BPHL: variants seen among roughly 807,000 people sequenced by gnomAD.
The protein encoded by BPHL is serine hydrolase BPHL.
Under a neutral mutation model 31.2 loss-of-function variants are expected in BPHL, and 27 were observed. The observed-to-expected ratio is 0.87, with a 90% CI of 0.64 to 1.19. BPHL has a LOEUF of 1.19. Ranked by LOEUF, BPHL falls within the 50% of genes most tolerant of loss-of-function variation. The pLI is 0.00. For synonymous variants in BPHL, 150 were observed against 146.8 expected (o/e 1.02, Z -0.16); for missense variants, 356 against 375.7 (o/e 0.95, Z 0.43).
intron 6 of BPHL, among the ~76,000 whole-genome samples, chr6:3,150,523 C>G (rs1270103665): frequency 6.6e-6 from 1 of 152,226 alleles, no homozygotes; most frequent in Non-Finnish European, 1.5e-5. Flanking sequence ...GGCAGAGGAA[C>G]TCGTGTTCAT....
chr6:3,141,900 G>A (rs952760730), intron 6 of BPHL, among the ~76,000 whole-genome samples: 15 of 151,912 alleles, frequency 9.9e-5, no homozygotes, highest in African/African-American at 3.6e-4. Context: ...CTTGAACCTG[G>A]GAGGCGGAGG....
chr6:3,140,092 T>G lies in BPHL; in HGVS notation c.665-294T>G. ...TGGGAACCGCCACTGTGGAATATAG[T>G]GGTGGGGTGTTTATTTGATTTTCCT... is the stretch of plus-strand genomic sequence containing the variant. On this transcript the variant is annotated intron_variant, in intron 5 of 6. Coordinates refer to ENST00000380379, the MANE Select transcript of BPHL (RefSeq NM_004332.4). The surrounding 1 kb of genome is among the most constrained non-coding windows in gnomAD (Gnocchi z 5.2). 2.5e-6 allele frequency: 1 copy of G among 393,454 alleles called. No homozygotes were observed. The highest frequency in any genetic ancestry group is 4.7e-6 in the Non-Finnish European group (1 of 213,556). The allele number at this position is 393,454 out of a possible 1,614,324, so 24.4% of individuals were successfully genotyped here.
Position 3,140,103 on chromosome 6 carries a change from T to C in BPHL, c.665-283T>C, listed in dbSNP as rs939547285. ...ACTGTGGAATATAGTGGTGGGGTGT[T>C]TATTTGATTTTCCTACTATTTTATG... On this transcript the variant is annotated intron_variant, in intron 5 of 6. Transcript: ENST00000380379. This position sits in a 1 kb window ranked among gnomAD's most constrained non-coding sequence, Gnocchi z 5.2. 3 of 418,546 alleles carry C rather than the reference T, an allele frequency of 7.2e-6. No individual in the cohort carries two copies. The Admixed American group carries it at 1.2e-4, about 17-fold the overall frequency. 25.9% of individuals were successfully genotyped at this position (418,546 alleles called of 1,614,324 possible). A position where few individuals can be genotyped will look rare whatever the true frequency, so the allele number is the denominator to read the frequency against.
rs753610190 is a variant in BPHL at position 3,127,307 on chromosome 6, G to C, written c.277G>C (p.Ala93Pro). ...CAATAAGAAGCTCTTCACGGTGGTC[G>C]CCTGGGATCCTCGAGGCTATGGACA... is the stretch of plus-strand genomic sequence containing the variant. The part of the protein sequence containing the change: ...NLNKKLFTVV[A>P]WDPRGYGHSR... The change falls in exon 3 of 7, where the codon GCC becomes CCC. Residue 93 changes from alanine to proline, a missense_variant. Transcript: ENST00000380379. 3 of 1,607,054 alleles carry C rather than the reference G, an allele frequency of 1.9e-6. No homozygotes were observed.
Position 3,118,733 on chromosome 6 carries a change from CTG to C in BPHL, c.-5_-4del. On this transcript the variant is annotated 5_prime_UTR_variant, in exon 1 of 7. Transcript: ENST00000380379. ...TGCGCACTCCCGGCAGCTACGCGAC[CTG>C]TGACCATGGTGGCTGTGCTGGGCGG... 1 of 1,260,822 alleles carries C rather than the reference CTG, an allele frequency of 7.9e-7. No individual in the cohort carries two copies. The highest frequency in any genetic ancestry group is 1.0e-6 in the Non-Finnish European group (1 of 999,268). 78.1% of individuals were successfully genotyped at this position (1,260,822 alleles called of 1,614,324 possible). A position where few individuals can be genotyped will look rare whatever the true frequency, so the allele number is the denominator to read the frequency against.
rs761218163 is a variant in BPHL, at chr6:3,123,662, C to T, written c.113C>T (p.Ser38Leu). The T allele has an allele frequency of 1.6e-5, 26 of 1,613,248 alleles. No individual in the cohort carries two copies. Among genetic ancestry groups the T allele is most frequent in the East Asian group, 2.2e-5 (1 of 44,866 alleles). The change falls in exon 2 of 7, where the codon TCG (serine) becomes TTG (leucine). Residue 38 changes from serine (S) to leucine (L), a missense_variant. Physicochemically the swap from Ser to Leu is moderately radical, Grantham distance 145. Coordinates refer to ENST00000380379, the MANE Select transcript of BPHL (RefSeq NM_004332.4). ...RAGPAAAFGT[S>L]VTSAKVAVNG... ...ATGTGTTTTTTCTCTTCTAGCACCT[C>T]GGTAACCTCTGCCAAAGTGGCTGTG... is the stretch of plus-strand genomic sequence containing the variant.
chr6:3,134,531 A>C (rs1334516555), intron 4 of BPHL, among the ~76,000 whole-genome samples: 8 of 148,564 alleles, frequency 5.4e-5, no homozygotes, highest in African/African-American at 1.7e-4. Flanking sequence ...TGCTTGCTCA[A>C]CATCAAACTA....
chr6:3,134,218 A>ACGACCC (rs915840744), intron 4 of BPHL, among the ~76,000 whole-genome samples: 200 of 152,238 alleles, frequency 1.3e-3, no homozygotes, highest in African/African-American at 4.6e-3. Flanking sequence ...TAACAACAAA[A>ACGACCC]CGACCCCGCC....
intron 3 of BPHL, among the ~76,000 whole-genome samples, chr6:3,128,318 T>A (rs2113752263): frequency 6.6e-6 from 1 of 152,230 alleles, no homozygotes; most frequent in South Asian, 2.1e-4. Context: ...TAGGAGACAA[T>A]TTGCTAGGTG....
At chr6:3,150,142 A>T (rs1372316320) in intron 6 of BPHL, 1 of 152,214 alleles carries the variant, frequency 6.6e-6, no homozygotes, top group Admixed American at 6.5e-5. Flanking sequence ...CAGTAAACAC[A>T]AAAGTACGTA....
In BPHL at chr6:3,146,983, A is replaced by C. The variant is rs561369793; in HGVS notation, c.789-5505A>C. 2.0e-5 allele frequency among the ~76,000 whole-genome samples: 3 copies of C among 152,310 alleles called. No individual in the cohort carries two copies. The South Asian group carries it at 6.2e-4, about 32-fold the overall frequency. On this transcript the variant is annotated intron_variant, in intron 6 of 6. Coordinates refer to ENST00000380379, the MANE Select transcript of BPHL (RefSeq NM_004332.4). Reference sequence around the variant, plus strand: ...TCTTGTGTGAAATGAGCATGACAATACCTATCATCTCAAGATAGTTTTTGA... The same window carrying C: ...TCTTGTGTGAAATGAGCATGACAATCCCTATCATCTCAAGATAGTTTTTGA...
intron 6 of BPHL, among the ~76,000 whole-genome samples, chr6:3,141,889 G>A (rs997060952): frequency 1.3e-5 from 2 of 151,840 alleles, no homozygotes; most frequent in African/African-American, 2.4e-5. Context: ...CAGGAGAATC[G>A]CTTGAACCTG....
At chr6:3,118,983 C>T (rs1761476407) in intron 1 of BPHL, 136 bp downstream of exon 1, 1 of 771,816 alleles carries the variant, frequency 1.3e-6, no homozygotes, top group African/African-American at 1.8e-5. Flanking sequence ...CCCTGTCGCC[C>T]TTTGTGCCGC....
chr6:3,148,498 G>A (rs182641733), intron 6 of BPHL, among the ~76,000 whole-genome samples: 64 of 152,362 alleles, frequency 4.2e-4, no homozygotes, highest in Admixed American at 2.5e-3. Flanking sequence ...CTGGTGGGGA[G>A]GTAGACGCTG....
At chr6:3,133,262 C>T (rs1229480899) in intron 4 of BPHL, among the ~76,000 whole-genome samples, 15 of 152,052 alleles carry the variant, frequency 9.9e-5, no homozygotes, top group Admixed American at 8.5e-4. Context: ...TCTGAGTGGC[C>T]CCATCTTGCC....
chr6:3,130,277 C>G (rs1761837000), intron 4 of BPHL, among the ~76,000 whole-genome samples: 1 of 152,196 alleles, frequency 6.6e-6, no homozygotes, highest in Non-Finnish European at 1.5e-5. Context: ...CTGCCCCAGA[C>G]CTGCACTGGT....
chr6:3,118,966 C>T (rs1761474914), intron 1 of BPHL, 119 bp downstream of exon 1: 7 of 841,228 alleles, frequency 8.3e-6, no homozygotes, highest in Non-Finnish European at 1.1e-5. Flanking sequence ...TGGGCGCGGC[C>T]TGGCTGCCCT....
At chr6:3,151,932 G>T (rs371692685) in intron 6 of BPHL, among the ~76,000 whole-genome samples, 2 of 152,270 alleles carry the variant, frequency 1.3e-5, no homozygotes, top group Non-Finnish European at 2.9e-5. Context: ...TTTGTCTGGC[G>T]GCTTGTATTC....
chr6:3,134,263 A>G (rs544505600), intron 4 of BPHL, among the ~76,000 whole-genome samples: 29 of 152,252 alleles, frequency 1.9e-4, no homozygotes, highest in African/African-American at 6.7e-4. Context: ...AACAGTTTCA[A>G]TGTTATCCCA....
Sources: allele counts gnomAD v4.1 joint callset (sites outside exome capture counted in the v4.1 genomes callset), GRCh38; gene constraint gnomAD v4.1.1; non-coding constraint Gnocchi (gnomAD v3.1); transcripts MANE v1.5; gene names NCBI Gene and HGNC (gene_info 2026-07-23, HGNC 2026-07-21).